The following CHFR variants were observed in gnomAD, a reference collection of about 807,000 sequenced individuals.
The protein encoded by CHFR is checkpoint with forkhead and ring finger domains.
In CHFR, 57 loss-of-function variants were observed where a neutral mutation model predicts 87.6. The observed-to-expected ratio is 0.65, with a 90% CI of 0.53 to 0.81. The LOEUF is 0.81. Among genes scored for constraint, CHFR ranks in the 30% least tolerant of loss-of-function variants. CHFR has a pLI of 0.00. For missense variants in CHFR, 797 were observed against 865.8 expected, an observed-to-expected ratio of 0.92 and a Z score of 1.00; for synonymous variants, 381 against 359.2, an observed-to-expected ratio of 1.06 and a Z score of -0.69.
chr12:132,837,037 T>C lies in CHFR; in HGVS notation c.*4517A>G, dbSNP rs1566168127. The C allele has an allele frequency of 2.9e-6, 1 of 341,058 alleles. No individual in the cohort carries two copies. The highest frequency in any genetic ancestry group is 5.7e-6 in the Non-Finnish European group (1 of 174,252). 21.1% of individuals were successfully genotyped at this position (341,058 alleles called of 1,614,324 possible). On this transcript the variant is annotated 3_prime_UTR_variant, in exon 18 of 18. Transcript: ENST00000450056. ...TGGGGGCAGCCCTGCAGGAGCTGAA[T>C]GAGGAGAGGCTGCAGAGGGAGGGGC...
At chr12:132,881,840 G>T (rs2137064747) in intron 2 of CHFR, among the ~76,000 whole-genome samples, 1 of 142,182 alleles carries the variant, frequency 7.0e-6, no homozygotes, top group African/African-American at 2.6e-5. Context: ...TGCAAATCCA[G>T]CCTGGCGACA....
At chr12:132,873,421 T>C (rs1951537996) in intron 3 of CHFR, among the ~76,000 whole-genome samples, 1 of 152,210 alleles carries the variant, frequency 6.6e-6, no homozygotes, top group South Asian at 2.1e-4. Flanking sequence ...AACACAAAGC[T>C]GACCCTGGAA....
At chr12:132,872,240 C>A in intron 4 of CHFR, 45 bp downstream of exon 4, 1 of 1,260,572 alleles carries the variant, frequency 7.9e-7, no homozygotes, top group Non-Finnish European at 1.2e-6. Context: ...CCCTCACGTG[C>A]ACCCCCGTGC....
chr12:132,863,169 T>C (rs1382927094), intron 6 of CHFR, among the ~76,000 whole-genome samples: 1 of 149,036 alleles, frequency 6.7e-6, no homozygotes, highest in Non-Finnish European at 1.5e-5. Context: ...GTGCTGGGAT[T>C]ACAGGCGTGA....
At chr12:132,866,421 TGTTACAACACACCCTGGAAC>T (rs1357595891) in intron 6 of CHFR, 1 of 151,754 alleles carries the variant, frequency 6.6e-6, no homozygotes, top group Non-Finnish European at 1.5e-5. Context: ...CACACCGGAA[TGTTACAACACACCCTGGAAC>T]GTTACAACAC....
chr12:132,887,443 G>A (rs918376397), intron 1 of CHFR, 103 bp from the exon 2 acceptor site: 79 of 839,116 alleles, frequency 9.4e-5, no homozygotes, highest in South Asian at 3.7e-4. Context: ...CCGCGCCCAC[G>A]CAGCCCCGCA....
chr12:132,857,440 T>C lies in CHFR; in HGVS notation c.1031A>G (p.Asn344Ser), dbSNP rs774858017. 5 of 1,614,114 alleles carry C rather than the reference T, an allele frequency of 3.1e-6. No individual in the cohort carries two copies. Among genetic ancestry groups the C allele is most frequent in the Non-Finnish European group, 4.2e-6 (5 of 1,180,012 alleles). ...VERICKNHIL[N>S]NLVEAYLIQH... ...GATGAGGTATGCTTCCACGAGGTTG[T>C]TGAGGATGTGGTTTTTACAGATCCG... The change falls in exon 9 of 18, where the codon AAC becomes AGC. Residue 344 changes from asparagine to serine, a missense_variant. Coordinates refer to ENST00000450056, the MANE Select transcript of CHFR (RefSeq NM_001161346.2).
Position 132,869,621 on chromosome 12 carries a change from C to G in CHFR, c.581G>C (p.Cys194Ser), listed in dbSNP as rs1225450271. 6.4e-7 allele frequency: 1 copy of G among 1,551,556 alleles called. No homozygotes were observed. The highest frequency in any genetic ancestry group is 1.2e-5 in the South Asian group (1 of 84,064). Residue 194 changes from cysteine (C) to serine (S), a missense_variant and splice_region_variant, in exon 6 of 18, where the codon TGT becomes TCT. By Grantham distance (112) the Cys-to-Ser change is moderately radical (BLOSUM62 -1). Around this residue, in one of 2 missense-constraint regions of CHFR, gnomAD observed 597 missense variants for 601.2 expected, o/e 0.99. Transcript: ENST00000450056. ...SPAGRERSSS[C>S]GSGGGGISPK... The stretch of plus-strand genomic sequence containing the variant: ...GACCTCATGAGATGTGACCTCACCA[C>G]AACTGGAGGAACGCTCTCGCCCTGC...
intron 2 of CHFR, among the ~76,000 whole-genome samples, chr12:132,886,489 G>A (rs973440282): frequency 2.6e-5 from 4 of 151,736 alleles, no homozygotes; most frequent in Non-Finnish European, 5.9e-5. Context: ...CATTTTTGTT[G>A]ACAGGACCAG....
rs569195851 is a variant in CHFR at position 132,887,426 on chromosome 12, C to T, written c.-12-86G>A. The T allele has an allele frequency of 2.0e-5, 21 of 1,060,998 alleles. No homozygotes were observed. The South Asian group carries it at 7.5e-4, about 38-fold the overall frequency. 65.7% of individuals were successfully genotyped at this position (1,060,998 alleles called of 1,614,324 possible). A position where few individuals can be genotyped will look rare whatever the true frequency, so the allele number is the denominator to read the frequency against. Reference sequence around the variant, plus strand: ...CCGCCCCACCCCGCGGGCCCCGGCCCGGCCGCCCGCGCCCACGCAGCCCCG... The same window carrying T: ...CCGCCCCACCCCGCGGGCCCCGGCCTGGCCGCCCGCGCCCACGCAGCCCCG... On this transcript the variant is annotated intron_variant, in intron 1 of 17. Transcript: ENST00000450056.
rs919694061 is a variant in CHFR, at chr12:132,861,902, T to A, written c.584-268A>T. The A allele has an allele frequency of 1.8e-5, 8 of 442,582 alleles. 1 individual carries two copies. The Admixed American group carries it at 2.7e-4, about 15-fold the overall frequency. The allele number at this position is 442,582 out of a possible 1,614,324, so 27.4% of individuals were successfully genotyped here. ...AGATGTCTGTGACCAGGCTTAGCCCTCGAGCACCGAGTCTAACGCAGGGCA... is the reference window on the plus strand; with the variant it reads ...AGATGTCTGTGACCAGGCTTAGCCCACGAGCACCGAGTCTAACGCAGGGCA... On this transcript the variant is annotated intron_variant, in intron 6 of 17. Coordinates refer to ENST00000450056, the MANE Select transcript of CHFR (RefSeq NM_001161346.2).
At chr12:132,845,298 AC>A (rs1445948228) in intron 15 of CHFR, among the ~76,000 whole-genome samples, 1 of 151,780 alleles carries the variant, frequency 6.6e-6, no homozygotes, top group Non-Finnish European at 1.5e-5. Flanking sequence ...TACTAAAAAT[AC>A]AAAAAAAAAA....
intron 7 of CHFR, 46 bp from the exon 8 acceptor site, chr12:132,859,273 C>T (rs1487996333): frequency 6.4e-7 from 1 of 1,563,506 alleles, no homozygotes; most frequent in East Asian, 2.3e-5. Context: ...GAAGGAAATA[C>T]ACGCAGGTTC....
chr12:132,864,230 T>C (rs1254752585), intron 6 of CHFR, among the ~76,000 whole-genome samples: 2 of 148,140 alleles, frequency 1.4e-5, no homozygotes, highest in Admixed American at 6.7e-5. Context: ...AACAGAATAG[T>C]TTTGGGGACA....
Position 132,844,027 on chromosome 12 carries a change from C to G in CHFR, c.1843G>C (p.Val615Leu). ...CATGAGGAAGTCGGGGGCTCCTTAC[C>G]TGGCAACTCGGAAGCAGGAATGTTC... Reference protein sequence around the residue: ...RQNIPASELPVAVTSRPDCYW... With the variant: ...RQNIPASELPLAVTSRPDCYW... Residue 615 changes from valine to leucine, a missense_variant and splice_region_variant, in exon 16 of 18, where the codon GTG becomes CTG. Physicochemically the swap from Val to Leu is conservative, Grantham distance 32 (BLOSUM62 1). Transcript: ENST00000450056. The G allele has an allele frequency of 6.2e-7, 1 of 1,608,682 alleles. No individual in the cohort carries two copies. The highest frequency in any genetic ancestry group is 8.5e-7 in the Non-Finnish European group (1 of 1,175,128).
At chr12:132,868,212 C>T (rs991578992) in intron 6 of CHFR, among the ~76,000 whole-genome samples, 1 of 152,240 alleles carries the variant, frequency 6.6e-6, no homozygotes, top group African/African-American at 2.4e-5. Flanking sequence ...CCAGTCACGG[C>T]TGGGCGCGGC....
intron 9 of CHFR, among the ~76,000 whole-genome samples, chr12:132,856,924 G>T (rs1364448987): frequency 6.7e-6 from 1 of 149,394 alleles, no homozygotes; most frequent in Non-Finnish European, 1.5e-5. Context: ...CACTTGTCTG[G>T]GTGCTGGTGG....
intron 6 of CHFR, 25 bp from the exon 7 acceptor site, chr12:132,861,659 G>C (rs1217358580): frequency 6.2e-7 from 1 of 1,608,972 alleles, no homozygotes; most frequent in Non-Finnish European, 8.5e-7. Flanking sequence ...AAACAAGATA[G>C]GTGCTGATCC....
At chr12:132,886,960 A>G (rs760565395) in intron 2 of CHFR, among the ~76,000 whole-genome samples, 1 of 152,234 alleles carries the variant, frequency 6.6e-6, no homozygotes, top group Non-Finnish European at 1.5e-5. Context: ...ACAATATTGC[A>G]TTCTGGAGAG....
Sources: allele counts gnomAD v4.1 joint callset (sites outside exome capture counted in the v4.1 genomes callset), GRCh38; gene constraint gnomAD v4.1.1; regional missense constraint gnomAD v4.1.1; transcripts MANE v1.5; gene names NCBI Gene and HGNC (gene_info 2026-07-23, HGNC 2026-07-21).